Variants in HMCN2 observed in about 807,000 individuals in gnomAD.
HMCN2 encodes hemicentin 2.
Under a neutral mutation model 377.5 loss-of-function variants are expected in HMCN2, and 325 were observed. The ratio of observed to expected loss-of-function variants is 0.86; its 90% CI spans 0.79 to 0.94. The LOEUF (loss-of-function observed/expected upper bound fraction) is 0.94. Ranked by LOEUF, HMCN2 falls within the 40% of genes least tolerant of loss-of-function variation. The pLI, the probability that HMCN2 is intolerant of heterozygous loss-of-function variation, is 0.00. For synonymous variants in HMCN2, 2,007 were observed against 2,046.8 expected, an observed-to-expected ratio of 0.98 and a Z score of 0.53; for missense variants, 4,543 against 4,725.3, an observed-to-expected ratio of 0.96 and a Z score of 1.13.
At chr9:130,345,046 G>T (rs1052912641) in intron 25 of HMCN2, among the ~76,000 whole-genome samples, 18 of 151,752 alleles carry the variant, frequency 1.2e-4, no homozygotes, top group African/African-American at 4.4e-4. Context: ...ATGGTGTTTG[G>T]TGTGTATGTT....
At chr9:130,276,636 C>T (rs2131237725) in intron 1 of HMCN2, among the ~76,000 whole-genome samples, 1 of 152,300 alleles carries the variant, frequency 6.6e-6, no homozygotes, top group South Asian at 2.1e-4. Flanking sequence ...GATAAAGGTT[C>T]TGGAGCCATT....
rs150010020 is a variant in HMCN2, at chr9:130,271,081, A to C, written c.259+4944A>C. ...GTTTTTTTTCCAGTTAGACTGGGTA[A>C]TGTTTTGGGAGGAAGACCCAGCATT... is the stretch of plus-strand genomic sequence containing the variant. On this transcript the variant is annotated intron_variant, in intron 1 of 97. Transcript: ENST00000683500. 7.4e-5 allele frequency among the ~76,000 whole-genome samples: 11 copies of C among 148,834 alleles called. 1 individual carries two copies. In the East Asian group the frequency reaches 2.1e-3, roughly 29 times the overall value.
intron 36 of HMCN2, 75 bp from the exon 37 acceptor site, chr9:130,359,244 C>T: frequency 1.3e-6 from 1 of 782,830 alleles, no homozygotes; most frequent in Non-Finnish European, 1.9e-6. Flanking sequence ...GGGAGCAGCA[C>T]TGCTGGGATG....
In HMCN2 at chr9:130,382,172, G is replaced by A. The variant is rs992596235; in HGVS notation, c.8432-12G>A. 3.0e-5 allele frequency: 30 copies of A among 984,268 alleles called. No homozygotes were observed. The highest frequency in any genetic ancestry group is 3.4e-5 in the Non-Finnish European group (28 of 828,636). The allele number at this position is 984,268 out of a possible 1,614,324, so 61.0% of individuals were successfully genotyped here. On this transcript the variant is annotated splice_polypyrimidine_tract_variant and intron_variant, in intron 54 of 97. Coordinates refer to ENST00000683500, the MANE Select transcript of HMCN2 (RefSeq NM_001291815.2). ...GTGCCTGAGCCCAGGCCTCTGTCCCGTGTCCCTGCAGGAGGCCGGGTCCTG... is the reference window on the plus strand; with the variant it reads ...GTGCCTGAGCCCAGGCCTCTGTCCCATGTCCCTGCAGGAGGCCGGGTCCTG...
chr9:130,381,220 A>G (rs1341080488), intron 54 of HMCN2, among the ~76,000 whole-genome samples: 1 of 152,098 alleles, frequency 6.6e-6, no homozygotes, highest in Non-Finnish European at 1.5e-5. Context: ...AATCCTGGCC[A>G]CTGGGCTCTG....
chr9:130,393,648 G>A lies in HMCN2; in HGVS notation c.10235-94G>A. ...ACCTCACCTGGCCTTGGGGGACCAG[G>A]GCGGCTTCCTGGAAGAGGTGATGTC... On this transcript the variant is annotated intron_variant, in intron 67 of 97. Transcript: ENST00000683500. The surrounding 1 kb of genome is among the most constrained non-coding windows in gnomAD (Gnocchi z 5.2). 8.7e-7 allele frequency: 1 copy of A among 1,142,902 alleles called. No homozygotes were observed. 70.8% of individuals were successfully genotyped at this position (1,142,902 alleles called of 1,614,324 possible). A position where few individuals can be genotyped will look rare whatever the true frequency, so the allele number is the denominator to read the frequency against.
rs1275759079 is a variant in HMCN2 at position 130,428,259 on chromosome 9, T to C, written c.14066-99T>C. On this transcript the variant is annotated intron_variant, in intron 92 of 97. Transcript: ENST00000683500. This position sits in a 1 kb window ranked among gnomAD's most constrained non-coding sequence, Gnocchi z 5.0. ...CCTTCCTGCCAGTGGCTCCTGGGCC[T>C]GCGGACGAAGCCTCTGTGGATAGGC... 2.9e-6 allele frequency: 4 copies of C among 1,373,488 alleles called. No individual in the cohort carries two copies. In the East Asian group the frequency reaches 1.0e-4, roughly 36 times the overall value. The allele number at this position is 1,373,488 out of a possible 1,614,324, so 85.1% of individuals were successfully genotyped here.
At chr9:130,399,808 A>G (rs4740375) in intron 76 of HMCN2, among the ~76,000 whole-genome samples, 176 bp downstream of exon 76, 60,611 of 152,180 alleles carry the variant, frequency 0.4, 12,783 homozygotes, top group African/African-American at 0.51. Flanking sequence ...CCCCAGCTCC[A>G]GCACAGTTCC....
At chr9:130,432,591 G>A in intron 97 of HMCN2, 36 bp downstream of exon 97, 1 of 1,544,192 alleles carries the variant, frequency 6.5e-7, no homozygotes, top group Non-Finnish European at 8.7e-7. Context: ...GTGCCCTCAG[G>A]AAAAGCACAT....
At chr9:130,375,242 C>G (rs942532914) in intron 49 of HMCN2, among the ~76,000 whole-genome samples, 4 of 152,198 alleles carry the variant, frequency 2.6e-5, no homozygotes, top group African/African-American at 7.2e-5. Context: ...TCCCACTCCC[C>G]CCTCAAACAG....
intron 97 of HMCN2, 38 bp from the exon 98 acceptor site, chr9:130,433,310 C>G (rs1365919821): frequency 1.4e-6 from 2 of 1,387,506 alleles, no homozygotes; most frequent in Non-Finnish European, 1.9e-6. Flanking sequence ...CGACCGCACC[C>G]CCGAGTCCGC....
intron 8 of HMCN2, among the ~76,000 whole-genome samples, chr9:130,301,585 G>T (rs1461968199): frequency 6.6e-6 from 1 of 152,226 alleles, no homozygotes. Context: ...GTGCGTGGGT[G>T]AGTGGCGACT....
chr9:130,332,884 C>G (rs1168900586), intron 22 of HMCN2, among the ~76,000 whole-genome samples: 1 of 152,222 alleles, frequency 6.6e-6, no homozygotes, highest in African/African-American at 2.4e-5. Context: ...CTGGGTGACT[C>G]TGGCGGGGAG....
chr9:130,402,931 G>A, intron 78 of HMCN2, 35 bp downstream of exon 78: 1 of 1,276,480 alleles, frequency 7.8e-7, no homozygotes. Flanking sequence ...AGAGTTCCTA[G>A]GGCCAGGGGA....
chr9:130,294,441 G>C (rs1361211289), intron 4 of HMCN2, among the ~76,000 whole-genome samples: 1 of 152,204 alleles, frequency 6.6e-6, no homozygotes, highest in Non-Finnish European at 1.5e-5. Context: ...GCCCTGGTGG[G>C]AGCACAGTTG....
intron 22 of HMCN2, among the ~76,000 whole-genome samples, chr9:130,329,639 C>T (rs1838318240): frequency 6.6e-6 from 1 of 152,098 alleles, no homozygotes; most frequent in Non-Finnish European, 1.5e-5. Flanking sequence ...GACGGGGTTT[C>T]ACCATCTTGG....
intron 32 of HMCN2, among the ~76,000 whole-genome samples, chr9:130,355,479 T>C (rs887488017): frequency 1.3e-5 from 2 of 152,174 alleles, no homozygotes; most frequent in Non-Finnish European, 2.9e-5. Flanking sequence ...GAAATGAAGC[T>C]GGGAACAAGG....
chr9:130,299,642 C>A (rs1241501863), intron 8 of HMCN2, among the ~76,000 whole-genome samples: 2 of 149,044 alleles, frequency 1.3e-5, no homozygotes, highest in Non-Finnish European at 3.0e-5. Flanking sequence ...CATCCATCTA[C>A]CCACTCATTC....
intron 86 of HMCN2, among the ~76,000 whole-genome samples, chr9:130,420,794 A>G (rs1043361081): frequency 8.5e-5 from 13 of 152,144 alleles, no homozygotes; most frequent in Non-Finnish European, 1.9e-4. Flanking sequence ...GACTTACTCT[A>G]TAAAGACCCT....
Sources: allele counts gnomAD v4.1 joint callset (sites outside exome capture counted in the v4.1 genomes callset), GRCh38; gene constraint gnomAD v4.1.1; non-coding constraint Gnocchi (gnomAD v3.1); transcripts MANE v1.5; gene names NCBI Gene and HGNC (gene_info 2026-07-23, HGNC 2026-07-21).